The following FNBP1 variants were observed in gnomAD, a reference collection of about 807,000 sequenced individuals.
The protein encoded by FNBP1 is formin binding protein 1, also known as formin-binding protein 1.
In FNBP1, 26 loss-of-function variants were observed where a neutral mutation model predicts 90.6. The observed-to-expected ratio is 0.29, with a 90% CI of 0.21 to 0.40. The LOEUF is 0.40. Among genes scored for constraint, FNBP1 ranks in the 10% least tolerant of loss-of-function variants. FNBP1 has a pLI of 1.00. For missense variants in FNBP1, 635 were observed against 768.0 expected, an observed-to-expected ratio of 0.83 and a Z score of 2.05; for synonymous variants, 260 against 265.2, an observed-to-expected ratio of 0.98 and a Z score of 0.19.
intron 2 of FNBP1, among the ~76,000 whole-genome samples, chr9:129,994,415 G>C (rs1172271296): frequency 6.6e-6 from 1 of 151,862 alleles, no homozygotes; most frequent in East Asian, 1.9e-4. Context: ...GGGGGAGAGT[G>C]GGGAGCTGGA....
intron 6 of FNBP1, among the ~76,000 whole-genome samples, chr9:129,941,495 T>C (rs1157195759): frequency 6.6e-6 from 1 of 152,182 alleles, no homozygotes; most frequent in Non-Finnish European, 1.5e-5. Flanking sequence ...AGACAGAGTC[T>C]TGCTCTGTTA....
chr9:129,971,401 T>G (rs1377698634), intron 4 of FNBP1, among the ~76,000 whole-genome samples: 1 of 151,972 alleles, frequency 6.6e-6, no homozygotes, highest in African/African-American at 2.4e-5. Flanking sequence ...TGTTTTTTGT[T>G]TTTTTTTAAG....
At chr9:129,892,454 C>T (rs1373173119) in intron 16 of FNBP1, among the ~76,000 whole-genome samples, 2 of 149,764 alleles carry the variant, frequency 1.3e-5, no homozygotes, top group Non-Finnish European at 2.9e-5. Flanking sequence ...AAAACAGCTG[C>T]ACTGAGTTAT....
chr9:129,981,880 A>G (rs2051316672), intron 2 of FNBP1, among the ~76,000 whole-genome samples: 1 of 152,198 alleles, frequency 6.6e-6, no homozygotes, highest in South Asian at 2.1e-4. Context: ...TAATAGTTTA[A>G]AAGTTATAAT....
At position 129,978,535 on chromosome 9, in the gene FNBP1, T is replaced by C. The variant is rs2050703482; in HGVS notation, c.275A>G (p.Glu92Gly). The change falls in exon 4 of 17, where the codon GAG becomes GGG. Residue 92 changes from glutamate to glycine, a missense_variant. Transcript: ENST00000446176. ...DYAGQHEVIS[E>G]NMASQIIVDL... ...CACAATGATCTGTGATGCCATGTTC[T>C]CGGAGATAACTTCATGCTGCCCTGC... The C allele has an allele frequency of 6.2e-7, 1 of 1,613,908 alleles. No individual in the cohort carries two copies. Among genetic ancestry groups the C allele is most frequent in the East Asian group, 2.2e-5 (1 of 44,888 alleles).
Position 129,895,980 on chromosome 9 carries a change from C to T in FNBP1, c.1704G>A (p.Thr568=), listed in dbSNP as rs781328311. 1.6e-5 allele frequency: 25 copies of T among 1,609,196 alleles called. No homozygotes were observed. In the East Asian group the frequency reaches 4.5e-4, roughly 29 times the overall value. ...ATGTTTCTCCTTCAACTACGGAAAT[C>T]GTTCCTTCATTCTGACCTGAAAAAG... is the stretch of plus-strand genomic sequence containing the variant. The part of the protein sequence containing the change: ...LYTFEGQNEG[T]ISVVEGETLY... The change falls in exon 16 of 17, where the codon ACG becomes ACA. Residue 568 remains threonine (T), a synonymous_variant. Coordinates refer to ENST00000446176, the MANE Select transcript of FNBP1 (RefSeq NM_015033.3).
At position 129,900,525 on chromosome 9, in the gene FNBP1, C is replaced by G. The variant is rs1201297939; in HGVS notation, c.1451G>C (p.Gly484Ala). The change falls in exon 14 of 17, where the codon GGC becomes GCC. Residue 484 changes from glycine (G) to alanine (A), a missense_variant. Coordinates refer to ENST00000446176, the MANE Select transcript of FNBP1 (RefSeq NM_015033.3). This position sits in a 1 kb window ranked among gnomAD's most constrained non-coding sequence, Gnocchi z 4.1. ...KFEAWLAEVE[G>A]RLPARSEQAR... ...CTGCTCGCTGCGTGCTGGGAGCCGG[C>G]CTTCAACCTCAGCCAGCCAGGCCTG... is the stretch of plus-strand genomic sequence containing the variant. 1 of 1,578,136 alleles carries G rather than the reference C, an allele frequency of 6.3e-7. No individual in the cohort carries two copies. The highest frequency in any genetic ancestry group is 8.6e-7 in the Non-Finnish European group (1 of 1,165,706).
intron 8 of FNBP1, among the ~76,000 whole-genome samples, chr9:129,926,496 G>A (rs898337315): frequency 2.6e-5 from 4 of 152,078 alleles, no homozygotes; most frequent in Admixed American, 6.6e-5. Flanking sequence ...AGTGCTACTG[G>A]CCTCTGCTGG....
At chr9:129,944,957 G>T (rs1273775431) in intron 6 of FNBP1, among the ~76,000 whole-genome samples, 1 of 152,078 alleles carries the variant, frequency 6.6e-6, no homozygotes, top group Admixed American at 6.6e-5. Flanking sequence ...CACATACTAA[G>T]TGCCAAGTGT....
At chr9:130,049,466 C>A in the FNBP1 span, among the ~76,000 whole-genome samples, 1 of 152,136 alleles carries the variant, frequency 6.6e-6, no homozygotes, top group African/African-American at 2.4e-5. Context: ...ATAATCCCAG[C>A]ACTTTGGGAG....
At chr9:130,024,948 G>A (rs1192535895) in intron 1 of FNBP1, among the ~76,000 whole-genome samples, 4 of 152,168 alleles carry the variant, frequency 2.6e-5, no homozygotes, top group South Asian at 2.1e-4. Context: ...GGGAGGCCGA[G>A]GTGGGTGAAT....
intron 1 of FNBP1, among the ~76,000 whole-genome samples, chr9:130,030,376 A>T (rs1166618706): frequency 6.6e-6 from 1 of 151,494 alleles, no homozygotes; most frequent in Non-Finnish European, 1.5e-5. Context: ...CGGAGGTTGC[A>T]GTGAGCCGAG....
In FNBP1 at chr9:129,900,932, C is replaced by T. The variant is rs1302280063; in HGVS notation, c.1429-385G>A. ...TCTAGTTCCTTCTTGACCATGAGGT[C>T]GCCCTGTGATACCTGAAGGTACAGC... On this transcript the variant is annotated intron_variant, in intron 13 of 16. Coordinates refer to ENST00000446176, the MANE Select transcript of FNBP1 (RefSeq NM_015033.3). This position sits in a 1 kb window ranked among gnomAD's most constrained non-coding sequence, Gnocchi z 4.1. Among the ~76,000 whole-genome samples the T allele has an allele frequency of 6.6e-6, 1 of 152,186 alleles. No individual in the cohort carries two copies.
Position 129,952,617 on chromosome 9 carries a change from T to A in FNBP1, c.513+4743A>T, listed in dbSNP as rs115936297. Among the ~76,000 whole-genome samples, 1,073 of 152,280 alleles carry A rather than the reference T, an allele frequency of 7.0e-3. 12 individuals carry two copies. Among genetic ancestry groups the A allele is most frequent in the African/African-American group, 0.021 (863 of 41,562 alleles). The stretch of plus-strand genomic sequence containing the variant: ...TATGGGAAAGATCTGCCAGGCAATG[T>A]TAACTTAAAGATATCTGGTTTACAT... On this transcript the variant is annotated intron_variant, in intron 6 of 16. Coordinates refer to ENST00000446176, the MANE Select transcript of FNBP1 (RefSeq NM_015033.3).
intron 12 of FNBP1, among the ~76,000 whole-genome samples, chr9:129,907,035 C>T (rs2038208999): frequency 6.6e-6 from 1 of 152,090 alleles, no homozygotes; most frequent in Non-Finnish European, 1.5e-5. Context: ...GCCTCCGCCT[C>T]CCAAAGTGCT....
intron 1 of FNBP1, among the ~76,000 whole-genome samples, chr9:130,002,957 C>T (rs193041477): frequency 5.3e-5 from 8 of 152,194 alleles, no homozygotes; most frequent in Non-Finnish European, 7.3e-5. Flanking sequence ...AGTTATGAGA[C>T]GCTGAATAAA....
chr9:129,893,711 TC>T (rs1350044511), intron 16 of FNBP1, among the ~76,000 whole-genome samples: 12 of 140,092 alleles, frequency 8.6e-5, no homozygotes, highest in African/African-American at 2.4e-4. Context: ...GGTCAGGAGA[TC>T]AAGACCATTC....
chr9:129,986,244 A>T (rs2052216149), intron 2 of FNBP1, among the ~76,000 whole-genome samples: 1 of 152,134 alleles, frequency 6.6e-6, no homozygotes, highest in Admixed American at 6.6e-5. Flanking sequence ...TAAGGAAAAT[A>T]AGCAAAAATC....
At chr9:130,040,137 T>C (rs1409777284) in intron 1 of FNBP1, among the ~76,000 whole-genome samples, 5 of 152,052 alleles carry the variant, frequency 3.3e-5, no homozygotes, top group African/African-American at 7.2e-5. Flanking sequence ...GAAACTGGGG[T>C]TTACTTTTCA....
Sources: allele counts gnomAD v4.1 joint callset (sites outside exome capture counted in the v4.1 genomes callset), GRCh38; gene constraint gnomAD v4.1.1; non-coding constraint Gnocchi (gnomAD v3.1); transcripts MANE v1.5; gene names NCBI Gene and HGNC (gene_info 2026-07-23, HGNC 2026-07-21).